The following CDA variants were observed in gnomAD, a reference collection of about 807,000 sequenced individuals.
The protein encoded by CDA is cytidine aminohydrolase.
CDA carries 7 observed loss-of-function variants against 15.0 expected under a neutral mutation model. That is an observed-to-expected ratio of 0.47 (90% confidence interval 0.26 to 0.87). The LOEUF is 0.87. Among genes scored for constraint, CDA ranks in the 40% least tolerant of loss-of-function variants. The probability of loss-of-function intolerance (pLI) is 0.15; values close to 1 mark genes in which losing one functional copy is unlikely to be tolerated. For missense variants in CDA, 159 were observed against 182.7 expected (o/e 0.87, Z 0.75); for synonymous variants, 58 against 73.0 (o/e 0.79, Z 1.05).
At chr1:20,616,693 CA>C (rs1255333455) in intron 3 of CDA, among the ~76,000 whole-genome samples, 3 of 152,096 alleles carry the variant, frequency 2.0e-5, no homozygotes, top group Non-Finnish European at 2.9e-5. Context: ...CTGAAGGAGG[CA>C]GGGGGGAAAC....
At chr1:20,615,316 G>A (rs2052791436) in intron 3 of CDA, among the ~76,000 whole-genome samples, 1 of 151,810 alleles carries the variant, frequency 6.6e-6, no homozygotes, top group South Asian at 2.1e-4. Flanking sequence ...CTTGATGGAA[G>A]GCTGCAATTT....
chr1:20,618,735 T>C lies in CDA; in HGVS notation c.*167T>C, dbSNP rs903423877. On this transcript the variant is annotated 3_prime_UTR_variant, in exon 4 of 4. Transcript: ENST00000375071. ...TGAGTCAGCACCCCTCCTAGCAACC[T>C]GCCTTGGGACTTAGAACACCGCCGC... The C allele has an allele frequency of 3.9e-5, 25 of 644,538 alleles. No homozygotes were observed. Among genetic ancestry groups the C allele is most frequent in the Non-Finnish European group, 6.8e-5 (24 of 352,714 alleles). The allele number at this position is 644,538 out of a possible 1,614,324, so 39.9% of individuals were successfully genotyped here. A position where few individuals can be genotyped will look rare whatever the true frequency, so the allele number is the denominator to read the frequency against.
At chr1:20,592,910 T>C (rs375557626) in intron 1 of CDA, among the ~76,000 whole-genome samples, 7 of 152,204 alleles carry the variant, frequency 4.6e-5, no homozygotes, top group South Asian at 2.1e-4. Context: ...CTGGACAACA[T>C]GGCAAGACGT....
intron 3 of CDA, among the ~76,000 whole-genome samples, chr1:20,614,972 C>T (rs1284171016): frequency 2.0e-5 from 3 of 152,212 alleles, no homozygotes; most frequent in Middle Eastern, 3.4e-3. Flanking sequence ...AGCAATTCTC[C>T]TGCCTCAGCC....
At chr1:20,603,552 A>G (rs2052666604) in intron 1 of CDA, among the ~76,000 whole-genome samples, 1 of 152,186 alleles carries the variant, frequency 6.6e-6, no homozygotes, top group Non-Finnish European at 1.5e-5. Flanking sequence ...CTTGGGCCAC[A>G]TCCCATTGGC....
intron 1 of CDA, among the ~76,000 whole-genome samples, chr1:20,589,686 C>T (rs1485860009): frequency 6.6e-6 from 1 of 152,178 alleles, no homozygotes; most frequent in African/African-American, 2.4e-5. Flanking sequence ...TGTTAATGCT[C>T]GTCTTTAGAT....
At position 20,605,673 on chromosome 1, in the gene CDA, A is replaced by AT. The variant is rs1212197999; in HGVS notation, c.266+643dup. 7.9e-4 allele frequency among the ~76,000 whole-genome samples: 88 copies of AT among 111,358 alleles called. 20 individuals carry two copies. Among genetic ancestry groups the AT allele is most frequent in the East Asian group, 1.9e-3 (7 of 3,748 alleles). 73.1% of individuals were successfully genotyped at this position (111,358 alleles called of 152,430 possible). ...AGACTCCGTCTCAAAAAAAAAAAAAATTTTTTTTTGCTGATGGTGGCATGC... is the reference window on the plus strand; with the variant it reads ...AGACTCCGTCTCAAAAAAAAAAAAAATTTTTTTTTTGCTGATGGTGGCATGC... On this transcript the variant is annotated intron_variant, in intron 2 of 3. Transcript: ENST00000375071.
At chr1:20,592,330 T>G (rs981702830) in intron 1 of CDA, among the ~76,000 whole-genome samples, 25 of 152,184 alleles carry the variant, frequency 1.6e-4, no homozygotes, top group African/African-American at 5.8e-4. Context: ...GAGTAAATGC[T>G]TATAAAGCAT....
chr1:20,597,836 C>T (rs1321715615), intron 1 of CDA, among the ~76,000 whole-genome samples: 1 of 151,614 alleles, frequency 6.6e-6, no homozygotes, highest in African/African-American at 2.4e-5. Flanking sequence ...AACAAAATTG[C>T]ACAGCATTTC....
chr1:20,590,509 T>C (rs1005607603), intron 1 of CDA, among the ~76,000 whole-genome samples: 1 of 152,192 alleles, frequency 6.6e-6, no homozygotes, highest in African/African-American at 2.4e-5. Context: ...GAATCTTGAA[T>C]GTGGAAATCA....
chr1:20,605,435 A>G lies in CDA; in HGVS notation c.266+396A>G, dbSNP rs932437782. Among the ~76,000 whole-genome samples, 53 of 151,248 alleles carry G rather than the reference A, an allele frequency of 3.5e-4. 3 individuals are homozygous for G. The highest frequency in any genetic ancestry group is 2.1e-4 in the South Asian group (1 of 4,720). ...AGCACTTTGGGAGGCCAAGATGGGC[A>G]GATCACGAGGTCAGGAGATCGAAAC... On this transcript the variant is annotated intron_variant, in intron 2 of 3. Coordinates refer to ENST00000375071, the MANE Select transcript of CDA (RefSeq NM_001785.3).
rs1379465098 is a variant in CDA, at chr1:20,604,963, A to G, written c.190A>G (p.Ile64Val). ...AGAAAATGCCTGCTACCCGCTGGGCATCTGTGCTGAACGGACCGCTATCCA... is the reference window on the plus strand; with the variant it reads ...AGAAAATGCCTGCTACCCGCTGGGCGTCTGTGCTGAACGGACCGCTATCCA... ...NIENACYPLG[I>V]CAERTAIQKA... Residue 64 changes from isoleucine to valine, a missense_variant, in exon 2 of 4, where the codon ATC becomes GTC. Ile to Val is a conservative substitution (Grantham distance 29, BLOSUM62 3). Coordinates refer to ENST00000375071, the MANE Select transcript of CDA (RefSeq NM_001785.3). The G allele has an allele frequency of 2.5e-6, 4 of 1,613,740 alleles. No individual in the cohort carries two copies. Among genetic ancestry groups the G allele is most frequent in the Non-Finnish European group, 3.4e-6 (4 of 1,179,862 alleles).
At chr1:20,603,371 G>T (rs979870600) in intron 1 of CDA, among the ~76,000 whole-genome samples, 1 of 152,148 alleles carries the variant, frequency 6.6e-6, no homozygotes, top group Non-Finnish European at 1.5e-5. Flanking sequence ...AGTTGACCAG[G>T]TTTCCAAATT....
At chr1:20,612,858 G>A (rs1210776855) in intron 2 of CDA, among the ~76,000 whole-genome samples, 1 of 146,934 alleles carries the variant, frequency 6.8e-6, no homozygotes, top group African/African-American at 2.5e-5. Flanking sequence ...CAGGAGAATC[G>A]CTTGAACCCG....
intron 1 of CDA, among the ~76,000 whole-genome samples, chr1:20,599,565 C>T (rs1309319661): frequency 1.4e-5 from 2 of 144,640 alleles, no homozygotes; most frequent in Non-Finnish European, 3.0e-5. Flanking sequence ...TGCAGTGAGC[C>T]GAAATTACGC....
intron 2 of CDA, among the ~76,000 whole-genome samples, chr1:20,610,310 AT>A (rs139325059): frequency 0.13 from 16,488 of 129,236 alleles, 1,182 homozygotes; most frequent in East Asian, 0.19. Flanking sequence ...ATTTATTTTT[AT>A]TTTTTTTTGA....
At chr1:20,604,851 G>T in intron 1 of CDA, 77 bp from the exon 2 acceptor site, 2 of 977,546 alleles carry the variant, frequency 2.0e-6, no homozygotes, top group Non-Finnish European at 3.2e-6. Context: ...CTTTGGAATG[G>T]GGCAAACTTC....
intron 1 of CDA, among the ~76,000 whole-genome samples, chr1:20,600,505 C>G (rs1459910534): frequency 6.6e-6 from 1 of 152,056 alleles, no homozygotes. Context: ...CCTGTAATCC[C>G]AAGATTTTGG....
At chr1:20,609,607 A>G (rs2052727876) in intron 2 of CDA, among the ~76,000 whole-genome samples, 1 of 152,132 alleles carries the variant, frequency 6.6e-6, no homozygotes, top group Non-Finnish European at 1.5e-5. Flanking sequence ...GGCCCTAACC[A>G]TGCCTTTGTT....
Sources: gnomAD v4.1 joint callset for allele counts (sites outside exome capture counted in the v4.1 genomes callset) on GRCh38, gnomAD v4.1.1 for gene constraint, MANE v1.5 for transcripts, NCBI Gene and HGNC (gene_info 2026-07-23, HGNC 2026-07-21) for gene names.